EPHB2: variants seen among roughly 807,000 people sequenced by gnomAD.
The protein encoded by EPHB2 is EPH receptor B2.
In EPHB2, 18 loss-of-function variants were observed where a neutral mutation model predicts 96.4. The observed-to-expected ratio is 0.19, with a 90% confidence interval of 0.13 to 0.28. The LOEUF is 0.28. EPHB2 is among the 10% of genes least tolerant of loss of function. EPHB2 has a pLI of 1.00. For synonymous variants in EPHB2, 506 were observed against 534.1 expected (o/e 0.95, Z 0.72); for missense variants, 989 against 1,355.4 (o/e 0.73, Z 4.25).
chr1:22,863,882 C>T (rs1638364470), intron 4 of EPHB2, among the ~76,000 whole-genome samples: 1 of 152,144 alleles, frequency 6.6e-6, no homozygotes, highest in African/African-American at 2.4e-5. Flanking sequence ...TGCACCACCA[C>T]ACCCAGCTAA....
At chr1:22,840,280 G>A in intron 3 of EPHB2, among the ~76,000 whole-genome samples, 1 of 152,094 alleles carries the variant, frequency 6.6e-6, no homozygotes, top group East Asian at 1.9e-4. Flanking sequence ...GAATAACGAT[G>A]ACTACTTAAG....
intron 4 of EPHB2, 89 bp from the exon 5 acceptor site, chr1:22,864,788 G>T: frequency 1.2e-6 from 1 of 812,968 alleles, no homozygotes; most frequent in East Asian, 2.6e-5. Context: ...TTTCAGAGGG[G>T]CTGAGCCAGA....
chr1:22,816,808 G>C (rs1022731296), intron 3 of EPHB2, among the ~76,000 whole-genome samples: 1 of 152,256 alleles, frequency 6.6e-6, no homozygotes, highest in Non-Finnish European at 1.5e-5. Context: ...GCTAATGGTG[G>C]CTGAGTGATT....
Position 22,863,200 on chromosome 1 carries a change from C to G in EPHB2, c.967+8C>G. ...TGGACATGCCCTGCACAAGTAAGTC[C>G]TAGGGCCCCTCAAGGGCGATGGCTG... On this transcript the variant is annotated splice_region_variant and intron_variant, in intron 4 of 15. Transcript: ENST00000374630. The G allele has an allele frequency of 6.2e-7, 1 of 1,614,120 alleles. No homozygotes were observed.
At chr1:22,895,669 A>G (rs1304122772) in intron 8 of EPHB2, 89 bp downstream of exon 8, 1 of 1,227,628 alleles carries the variant, frequency 8.1e-7, no homozygotes, top group Non-Finnish European at 1.2e-6. Flanking sequence ...GTGCTGGTGA[A>G]CCGAGGAGGC....
At chr1:22,796,153 C>G (rs1403713179) in intron 3 of EPHB2, among the ~76,000 whole-genome samples, 1 of 152,202 alleles carries the variant, frequency 6.6e-6, no homozygotes, top group African/African-American at 2.4e-5. Context: ...CTCTTTTGGA[C>G]CCCACACTCC....
chr1:22,863,363 C>A, intron 4 of EPHB2, 171 bp downstream of exon 4: 1 of 1,004,138 alleles, frequency 1.0e-6, no homozygotes, highest in Non-Finnish European at 1.5e-6. Context: ...CATGCTCCCA[C>A]CTTGCAGACA....
intron 3 of EPHB2, among the ~76,000 whole-genome samples, chr1:22,850,395 A>G (rs1477778561): frequency 6.6e-6 from 1 of 152,200 alleles, no homozygotes; most frequent in Non-Finnish European, 1.5e-5. Flanking sequence ...GATGCTCCCC[A>G]GCTCCGCCAG....
At chr1:22,731,461 G>A (rs981646790) in intron 1 of EPHB2, among the ~76,000 whole-genome samples, 9 of 152,200 alleles carry the variant, frequency 5.9e-5, no homozygotes, top group Non-Finnish European at 8.8e-5. Flanking sequence ...TCACTTCTTG[G>A]AACCTCAGTT....
Position 22,792,973 on chromosome 1 carries a change from G to A in EPHB2, c.811+7897G>A, listed in dbSNP as rs149461274. Among the ~76,000 whole-genome samples the A allele has an allele frequency of 6.9e-3, 1,053 of 152,242 alleles. 8 individuals carry two copies. Among genetic ancestry groups the A allele is most frequent in the Middle Eastern group, 0.048 (14 of 294 alleles). ...GGCCTCCAGGAGGAGGGGCCACTGC[G>A]GTGGAAGCTGAGCGAGGAGCAAGAG... On this transcript the variant is annotated intron_variant, in intron 3 of 15. Transcript: ENST00000374630.
chr1:22,738,629 C>T (rs1467434125), intron 1 of EPHB2, among the ~76,000 whole-genome samples: 2 of 152,220 alleles, frequency 1.3e-5, no homozygotes, highest in African/African-American at 4.8e-5. Flanking sequence ...GCAATTCAAT[C>T]ATTCATTATC....
At chr1:22,843,273 G>T (rs186343129) in intron 3 of EPHB2, among the ~76,000 whole-genome samples, 30 of 152,302 alleles carry the variant, frequency 2.0e-4, no homozygotes, top group Admixed American at 2.0e-3. Flanking sequence ...ACTTTCCCAA[G>T]ACCATGCAGA....
At position 22,908,131 on chromosome 1, in the gene EPHB2, A is replaced by G; in HGVS notation, c.2315A>G (p.Glu772Gly). Residue 772 changes from glutamate (E) to glycine (G), a missense_variant, in exon 12 of 16, where the codon GAG becomes GGG. Transcript: ENST00000374630. Reference sequence around the variant, plus strand: ...GACTTTGGGCTCTCACGCTTTCTAGAGGACGATACCTCAGACCCCACCTAC... The same window carrying G: ...GACTTTGGGCTCTCACGCTTTCTAGGGGACGATACCTCAGACCCCACCTAC... ...VSDFGLSRFL[E>G]DDTSDPTYTS... 6.2e-7 allele frequency: 1 copy of G among 1,614,240 alleles called. No individual in the cohort carries two copies. Among genetic ancestry groups the G allele is most frequent in the African/African-American group, 1.3e-5 (1 of 75,058 alleles).
chr1:22,768,444 T>G (rs1388553266), intron 1 of EPHB2, among the ~76,000 whole-genome samples: 1 of 152,094 alleles, frequency 6.6e-6, no homozygotes, highest in Non-Finnish European at 1.5e-5. Context: ...CCCAGCACTT[T>G]GGGAGGCCGA....
intron 1 of EPHB2, among the ~76,000 whole-genome samples, chr1:22,734,097 G>A (rs891927153): frequency 1.3e-5 from 2 of 152,204 alleles, no homozygotes; most frequent in East Asian, 3.9e-4. Flanking sequence ...CCCACCCAGG[G>A]CCAGCCTGGG....
intron 3 of EPHB2, among the ~76,000 whole-genome samples, chr1:22,806,701 G>C (rs978132382): frequency 3.3e-5 from 5 of 152,282 alleles, no homozygotes; most frequent in African/African-American, 9.6e-5. Flanking sequence ...GGACAAAGCC[G>C]AGGGCGCGCC....
rs558253677 is a variant in EPHB2, at chr1:22,920,128, C to G, written c.*6558C>G. On this transcript the variant is annotated 3_prime_UTR_variant, in exon 16 of 16. Transcript: ENST00000374630. ...TCCTTTTGAGTGGGGTGCAGAACGT[C>G]TTTCCCTGGTAGAGTGGCAGAATTG... 3.4e-4 allele frequency: 52 copies of G among 152,424 alleles called. No homozygotes were observed. The highest frequency in any genetic ancestry group is 1.2e-3 in the African/African-American group (50 of 41,600). The allele number at this position is 152,424 out of a possible 1,614,324, so 9.4% of individuals were successfully genotyped here. A position where few individuals can be genotyped will look rare whatever the true frequency, so the allele number is the denominator to read the frequency against.
At chr1:22,782,355 C>T (rs895227479) in intron 2 of EPHB2, among the ~76,000 whole-genome samples, 2 of 152,114 alleles carry the variant, frequency 1.3e-5, no homozygotes, top group Admixed American at 1.3e-4. Flanking sequence ...GTTGAATATT[C>T]ATCCCTCATC....
intron 3 of EPHB2, among the ~76,000 whole-genome samples, chr1:22,844,050 A>C (rs1340193136): frequency 6.6e-6 from 1 of 151,990 alleles, no homozygotes; most frequent in Non-Finnish European, 1.5e-5. Flanking sequence ...TCTACTGTTC[A>C]TGGACATTTA....
Sources: gnomAD v4.1 joint callset for allele counts (sites outside exome capture counted in the v4.1 genomes callset) on GRCh38, gnomAD v4.1.1 for gene constraint, MANE v1.5 for transcripts, NCBI Gene and HGNC (gene_info 2026-07-23, HGNC 2026-07-21) for gene names.